Variants in CDC16 observed in about 807,000 individuals in gnomAD.
CDC16 encodes cell division cycle 16.
A neutral mutation model predicts 87.0 loss-of-function variants in CDC16; 34 were observed. The observed-to-expected ratio is 0.39, with a 90% CI of 0.30 to 0.52. The LOEUF (loss-of-function observed/expected upper bound fraction) is 0.52, where lower values mean the gene tolerates loss of function less well. CDC16 is among the 20% of genes least tolerant of loss of function. The pLI, the probability that CDC16 is intolerant of heterozygous loss-of-function variation, is 0.74. For missense variants in CDC16, 653 were observed against 751.9 expected (o/e 0.87, Z 1.54); for synonymous variants, 263 against 260.6 (o/e 1.01, Z -0.09).
intron 11 of CDC16, among the ~76,000 whole-genome samples, chr13:114,248,359 A>T (rs1481534943): frequency 1.3e-5 from 2 of 152,200 alleles, no homozygotes; most frequent in Non-Finnish European, 2.9e-5. Flanking sequence ...TGGGAAAGTT[A>T]ATTTCTCCTG....
At chr13:114,267,528 T>C (rs75648340) in intron 17 of CDC16, among the ~76,000 whole-genome samples, 3 of 152,142 alleles carry the variant, frequency 2.0e-5, no homozygotes, top group African/African-American at 4.8e-5. Context: ...TTGGTAGTTA[T>C]GCATATTCTT....
chr13:114,236,391 T>C (rs1288383940), intron 1 of CDC16, among the ~76,000 whole-genome samples: 1 of 152,202 alleles, frequency 6.6e-6, no homozygotes, highest in Non-Finnish European at 1.5e-5. Flanking sequence ...TTACAGTGTA[T>C]GAGTTTTAAA....
chr13:114,265,232 C>A lies in CDC16; in HGVS notation c.1595C>A (p.Ala532Asp). 1 of 1,592,092 alleles carries A rather than the reference C, an allele frequency of 6.3e-7. No individual in the cohort carries two copies. The highest frequency in any genetic ancestry group is 8.6e-7 in the Non-Finnish European group (1 of 1,160,020). The change falls in exon 17 of 18, where the codon GCT becomes GAT. Residue 532 changes from alanine (A) to aspartate (D), a missense_variant. By Grantham distance (126) the Ala-to-Asp change is moderately radical (BLOSUM62 -2). Transcript: ENST00000356221. ...GAAATGTACATTGGTGATTCTGAAG[C>A]TTATATTGGTAAGATAATCGTTATT... is the stretch of plus-strand genomic sequence containing the variant. ...CIEMYIGDSE[A>D]YIGADIKDKL...
rs1023673826 is a variant in CDC16, at chr13:114,250,679, G to A, written c.1097+5G>A. On this transcript the variant is annotated splice_donor_5th_base_variant and intron_variant, in intron 12 of 17. Coordinates refer to ENST00000356221, the MANE Select transcript of CDC16 (RefSeq NM_001078645.3). ...AGCAGCACAGCTGATGAAAGGGTACGGCAGAGCAAACTCATCAAACTCCAT... is the reference window on the plus strand; with the variant it reads ...AGCAGCACAGCTGATGAAAGGGTACAGCAGAGCAAACTCATCAAACTCCAT... The A allele has an allele frequency of 1.2e-5, 20 of 1,613,464 alleles. No individual in the cohort carries two copies. Among genetic ancestry groups the A allele is most frequent in the East Asian group, 8.9e-5 (4 of 44,864 alleles).
At chr13:114,242,098 G>A (rs752183680) in intron 5 of CDC16, 23 bp from the exon 6 acceptor site, 3 of 1,586,920 alleles carry the variant, frequency 1.9e-6, no homozygotes, top group Non-Finnish European at 2.6e-6. Context: ...GACTTAATAT[G>A]TGACTCATCA....
chr13:114,237,205 A>C (rs2081297634), intron 3 of CDC16, among the ~76,000 whole-genome samples: 1 of 151,850 alleles, frequency 6.6e-6, no homozygotes, highest in Admixed American at 6.5e-5. Context: ...CCTGGACAAC[A>C]GAGCAAGACT....
At chr13:114,251,117 T>A (rs2082148092) in intron 12 of CDC16, among the ~76,000 whole-genome samples, 1 of 152,116 alleles carries the variant, frequency 6.6e-6, no homozygotes, top group Non-Finnish European at 1.5e-5. Flanking sequence ...CTTTGAGGAG[T>A]AGAGTATTGC....
chr13:114,262,496 T>C (rs533597522), intron 15 of CDC16, among the ~76,000 whole-genome samples: 1 of 152,350 alleles, frequency 6.6e-6, no homozygotes, highest in South Asian at 2.1e-4. Flanking sequence ...GTAAATCTTT[T>C]GGACCTTAAA....
rs573714569 is a variant in CDC16, at chr13:114,262,955, A to T, written c.1453A>T (p.Ile485Phe). The T allele has an allele frequency of 6.2e-7, 1 of 1,612,962 alleles. No homozygotes were observed. The highest frequency in any genetic ancestry group is 8.5e-7 in the Non-Finnish European group (1 of 1,178,860). The change falls in exon 16 of 18, where the codon ATT (isoleucine) becomes TTT (phenylalanine). Residue 485 changes from isoleucine to phenylalanine, a missense_variant. Transcript: ENST00000356221. ...TCAGAACGCATCCACCTACTCTGCT[A>T]TTGGATATATCCACAGTCTGATGGG... Reference protein sequence around the residue: ...IPQNASTYSAIGYIHSLMGNF... With the variant: ...IPQNASTYSAFGYIHSLMGNF...
chr13:114,235,219 GC>G, intron 1 of CDC16, 87 bp downstream of exon 1: 1 of 939,688 alleles, frequency 1.1e-6, no homozygotes, highest in Non-Finnish European at 1.4e-6. Flanking sequence ...TGTTGTCGGG[GC>G]TCTTGGTGGG....
At chr13:114,241,242 G>A (rs1045492245) in intron 5 of CDC16, among the ~76,000 whole-genome samples, 1 of 152,218 alleles carries the variant, frequency 6.6e-6, no homozygotes, top group Non-Finnish European at 1.5e-5. Flanking sequence ...ATAGTAAAGA[G>A]TTCTATAAGT....
intron 12 of CDC16, 150 bp downstream of exon 12, chr13:114,250,824 A>G: frequency 1.2e-6 from 1 of 819,210 alleles, no homozygotes; most frequent in Non-Finnish European, 1.9e-6. Context: ...TTGTAAAATA[A>G]CTATGAAAGT....
At chr13:114,243,591 T>A (rs1174284692) in intron 7 of CDC16, among the ~76,000 whole-genome samples, 1 of 152,200 alleles carries the variant, frequency 6.6e-6, no homozygotes, top group Non-Finnish European at 1.5e-5. Flanking sequence ...TGGAATGGTG[T>A]TGCATGGAAA....
chr13:114,267,967 G>C (rs2139193290), intron 17 of CDC16, among the ~76,000 whole-genome samples: 1 of 152,342 alleles, frequency 6.6e-6, no homozygotes, highest in Middle Eastern at 3.4e-3. Flanking sequence ...GCCACTGAAA[G>C]ACTGAAAACA....
At chr13:114,236,060 AG>A (rs916574811) in intron 1 of CDC16, among the ~76,000 whole-genome samples, 2 of 152,266 alleles carry the variant, frequency 1.3e-5, no homozygotes, top group African/African-American at 4.8e-5. Flanking sequence ...GGAGCAGAAC[AG>A]GGTCTAAAGC....
chr13:114,249,337 T>G (rs944963658), intron 11 of CDC16, among the ~76,000 whole-genome samples: 1 of 151,928 alleles, frequency 6.6e-6, no homozygotes, highest in Non-Finnish European at 1.5e-5. Context: ...TTAAGCTTTT[T>G]TTTTTTTCAA....
intron 16 of CDC16, among the ~76,000 whole-genome samples, chr13:114,264,053 C>T (rs779925703): frequency 4.6e-5 from 7 of 152,170 alleles, no homozygotes; most frequent in Non-Finnish European, 7.3e-5. Context: ...CAAAGATAAA[C>T]TCATGAGCGC....
intron 11 of CDC16, among the ~76,000 whole-genome samples, chr13:114,249,069 A>T (rs1232347591): frequency 6.6e-6 from 1 of 151,958 alleles, no homozygotes; most frequent in East Asian, 1.9e-4. Flanking sequence ...TGAAATAATT[A>T]TACAACTCAC....
chr13:114,246,231 G>A (rs1322654915), intron 10 of CDC16, among the ~76,000 whole-genome samples, 182 bp downstream of exon 10: 2 of 151,930 alleles, frequency 1.3e-5, no homozygotes, highest in Admixed American at 6.5e-5. Flanking sequence ...AACCCATGAA[G>A]GTATTTTTTA....
Sources: allele counts gnomAD v4.1 joint callset (sites outside exome capture counted in the v4.1 genomes callset), GRCh38; gene constraint gnomAD v4.1.1; transcripts MANE v1.5; gene names NCBI Gene and HGNC (gene_info 2026-07-23, HGNC 2026-07-21).